TMEM41B: variants seen among roughly 807,000 people sequenced by gnomAD.
The protein encoded by TMEM41B is protein stasimon.
A neutral mutation model predicts 31.9 loss-of-function variants in TMEM41B; 18 were observed. The ratio of observed to expected loss-of-function variants is 0.56; its 90% CI spans 0.39 to 0.84. The LOEUF (loss-of-function observed/expected upper bound fraction) is 0.84. Ranked by LOEUF, TMEM41B falls within the 40% of genes least tolerant of loss-of-function variation. TMEM41B has a pLI of 0.00. For missense variants in TMEM41B, 322 were observed against 348.0 expected (o/e 0.93, Z 0.59); for synonymous variants, 144 against 124.3 (o/e 1.16, Z -1.05).
intron 1 of TMEM41B, among the ~76,000 whole-genome samples, chr11:9,301,772 C>T (rs1016106452): frequency 1.3e-5 from 2 of 152,062 alleles, no homozygotes; most frequent in Non-Finnish European, 2.9e-5. Flanking sequence ...GGTTGTCAAG[C>T]GATAGTGGGA....
intron 2 of TMEM41B, 117 bp downstream of exon 2, chr11:9,299,467 C>T (rs1260377549): frequency 4.4e-6 from 3 of 689,092 alleles, no homozygotes; most frequent in Non-Finnish European, 7.4e-6. Flanking sequence ...AACCAATCCA[C>T]CCACCTCGGC....
chr11:9,291,923 G>A (rs995055668), intron 3 of TMEM41B, among the ~76,000 whole-genome samples: 10 of 152,138 alleles, frequency 6.6e-5, no homozygotes, highest in Non-Finnish European at 1.3e-4. Flanking sequence ...GGTCAGGTTG[G>A]TCTTGAACTC....
intron 6 of TMEM41B, 68 bp from the exon 7 acceptor site, chr11:9,283,661 G>GGAGCGTC: frequency 7.2e-7 from 1 of 1,388,254 alleles, no homozygotes; most frequent in Non-Finnish European, 9.7e-7. Flanking sequence ...AAAATGTTCT[G>GGAGCGTC]TGTGCATAAA....
At position 9,294,180 on chromosome 11, in the gene TMEM41B, C is replaced by CAAA. The variant is rs538372314; in HGVS notation, c.368+1076_368+1078dup. Among the ~76,000 whole-genome samples the CAAA allele has an allele frequency of 3.9e-3, 284 of 73,420 alleles. 22 individuals carry two copies. Among genetic ancestry groups the CAAA allele is most frequent in the African/African-American group, 0.017 (266 of 16,028 alleles). 48.2% of individuals were successfully genotyped at this position (73,420 alleles called of 152,430 possible). On this transcript the variant is annotated intron_variant, in intron 3 of 6. Coordinates refer to ENST00000528080, the MANE Select transcript of TMEM41B (RefSeq NM_015012.4). ...TGGGTGACAGGGGGAGAACCTGTCT[C>CAAA]AAAAAAAAAAAAAAAAAAAAAAAAA... is the stretch of plus-strand genomic sequence containing the variant.
intron 1 of TMEM41B, 92 bp from the exon 2 acceptor site, chr11:9,299,793 C>T (rs749940497): frequency 1.8e-5 from 18 of 979,620 alleles, no homozygotes; most frequent in African/African-American, 1.3e-4. Context: ...CAGAAAATGG[C>T]GTGTGCTTTT....
rs77349011 is a variant in TMEM41B, at chr11:9,283,589, G to A, written c.711C>T (p.Val237=). 17,266 of 1,597,864 alleles carry A rather than the reference G, an allele frequency of 0.011. 1,610 individuals are homozygous for A. In the African/African-American group the frequency reaches 0.2, roughly 19 times the overall value. ...KVFFIGTFLG[V]APPSFVAIKA... is the part of the protein sequence containing the mutation. ...TAATGGCTACAAAAGAAGGAGGTGCGACACCTGAAATAAAATATAAAAAGA... is the reference window on the plus strand; with the variant it reads ...TAATGGCTACAAAAGAAGGAGGTGCAACACCTGAAATAAAATATAAAAAGA... The change falls in exon 7 of 7, where the codon GTC becomes GTT. Residue 237 remains valine (V), a synonymous_variant. Transcript: ENST00000528080.
At chr11:9,298,414 G>A (rs1319103223) in intron 2 of TMEM41B, among the ~76,000 whole-genome samples, 1 of 145,590 alleles carries the variant, frequency 6.9e-6, no homozygotes, top group Non-Finnish European at 1.5e-5. Flanking sequence ...GGCTGAGATG[G>A]CACCATTGCA....
intron 4 of TMEM41B, 151 bp from the exon 5 acceptor site, chr11:9,287,957 A>G: frequency 1.6e-6 from 1 of 638,974 alleles, no homozygotes; most frequent in Non-Finnish European, 2.7e-6. Flanking sequence ...ATGATCTAGT[A>G]CTTTCTCAGA....
chr11:9,288,706 A>C (rs1389289303), intron 3 of TMEM41B, among the ~76,000 whole-genome samples, 171 bp from the exon 4 acceptor site: 1 of 152,202 alleles, frequency 6.6e-6, no homozygotes, highest in Non-Finnish European at 1.5e-5. Flanking sequence ...AATACTAGTA[A>C]GTGTGTGCTA....
intron 3 of TMEM41B, among the ~76,000 whole-genome samples, chr11:9,293,528 T>C (rs949503163): frequency 6.6e-6 from 1 of 152,244 alleles, no homozygotes; most frequent in Admixed American, 6.5e-5. Context: ...CACTTATCTG[T>C]ATATTGTGAG....
intron 3 of TMEM41B, among the ~76,000 whole-genome samples, chr11:9,294,222 C>A: frequency 7.2e-6 from 1 of 137,966 alleles, no homozygotes; most frequent in African/African-American, 2.7e-5. Flanking sequence ...AAGCCGGGCA[C>A]AGTGGCTCTC....
At chr11:9,312,298 G>A (rs1298846500) in intron 1 of TMEM41B, among the ~76,000 whole-genome samples, 4 of 152,084 alleles carry the variant, frequency 2.6e-5, no homozygotes, top group East Asian at 1.9e-4. Flanking sequence ...GCAGGAAGAC[G>A]CTTGAGCCCA....
At chr11:9,308,801 T>C (rs1471944601) in intron 1 of TMEM41B, among the ~76,000 whole-genome samples, 2 of 152,318 alleles carry the variant, frequency 1.3e-5, no homozygotes, top group South Asian at 2.1e-4. Flanking sequence ...GCATCTGATC[T>C]GAGGCAATCT....
At chr11:9,310,739 TAGC>T (rs1853540549) in intron 1 of TMEM41B, among the ~76,000 whole-genome samples, 1 of 143,792 alleles carries the variant, frequency 7.0e-6, no homozygotes, top group African/African-American at 2.6e-5. Flanking sequence ...GGACCTGAGA[TAGC>T]ATACTGGGCT....
chr11:9,295,183 T>C (rs4396289), intron 3 of TMEM41B, 76 bp downstream of exon 3: 232,939 of 1,297,064 alleles, frequency 0.18, 23,275 homozygotes, highest in East Asian at 0.37. Flanking sequence ...AAAATAGTTA[T>C]GTATAAATGA....
At chr11:9,290,173 G>T (rs1022778308) in intron 3 of TMEM41B, among the ~76,000 whole-genome samples, 1 of 152,126 alleles carries the variant, frequency 6.6e-6, no homozygotes, top group Non-Finnish European at 1.5e-5. Flanking sequence ...AAAGTCAGGA[G>T]ATCGAGACCA....
intron 2 of TMEM41B, among the ~76,000 whole-genome samples, chr11:9,296,064 C>G (rs1256691871): frequency 6.6e-6 from 1 of 151,406 alleles, no homozygotes; most frequent in East Asian, 2.0e-4. Context: ...ACCATGTTGG[C>G]CAGGCTGGTC....
chr11:9,312,499 T>C (rs1439210446), intron 1 of TMEM41B, among the ~76,000 whole-genome samples: 3 of 152,086 alleles, frequency 2.0e-5, no homozygotes, highest in Non-Finnish European at 4.4e-5. Flanking sequence ...AGGCCTTGTC[T>C]CAAGTCACTA....
At chr11:9,302,255 G>A (rs1853282430) in intron 1 of TMEM41B, among the ~76,000 whole-genome samples, 1 of 99,110 alleles carries the variant, frequency 1.0e-5, no homozygotes, top group Non-Finnish European at 2.2e-5. Context: ...TGATCCACCC[G>A]CCTCGGCCTC....
Sources: gnomAD v4.1 joint callset for allele counts (sites outside exome capture counted in the v4.1 genomes callset) on GRCh38, gnomAD v4.1.1 for gene constraint, MANE v1.5 for transcripts, NCBI Gene and HGNC (gene_info 2026-07-23, HGNC 2026-07-21) for gene names.